MUSK: variants seen among roughly 807,000 people sequenced by gnomAD.
The protein encoded by MUSK is muscle, skeletal receptor tyrosine-protein kinase.
MUSK carries 55 observed loss-of-function variants against 88.7 expected under a neutral mutation model. The observed-to-expected ratio is 0.62, with a 90% CI of 0.50 to 0.78. MUSK has a LOEUF of 0.78. MUSK is among the 30% of genes least tolerant of loss of function. The probability of loss-of-function intolerance (pLI) is 0.00; values close to 1 mark genes in which losing one functional copy is unlikely to be tolerated. For synonymous variants in MUSK, 387 were observed against 391.9 expected (o/e 0.99, Z 0.15); for missense variants, 1,015 against 1,074.3 (o/e 0.94, Z 0.77).
chr9:110,704,869 T>C (rs1461578700), intron 5 of MUSK, among the ~76,000 whole-genome samples: 3 of 151,504 alleles, frequency 2.0e-5, no homozygotes, highest in Non-Finnish European at 1.5e-5. Context: ...CCTGAAATTC[T>C]AGCTACTCAG....
intron 3 of MUSK, among the ~76,000 whole-genome samples, chr9:110,690,560 GTA>G (rs377058077): frequency 6.9e-5 from 3 of 43,180 alleles, no homozygotes; most frequent in African/African-American, 1.2e-4. Context: ...TTAAATATAA[GTA>G]TATATATAAA....
intron 1 of MUSK, among the ~76,000 whole-genome samples, chr9:110,672,671 AT>A (rs1164359086): frequency 6.6e-6 from 1 of 152,192 alleles, no homozygotes; most frequent in Non-Finnish European, 1.5e-5. Flanking sequence ...TAAAAAAAAA[AT>A]ACTGCATTCA....
intron 6 of MUSK, among the ~76,000 whole-genome samples, chr9:110,743,505 G>T (rs1181786071): frequency 1.3e-5 from 2 of 152,108 alleles, no homozygotes; most frequent in East Asian, 3.8e-4. Flanking sequence ...ATTTTGGCAT[G>T]CAACTAAAAA....
intron 3 of MUSK, 87 bp downstream of exon 3, chr9:110,687,355 G>C: frequency 6.7e-7 from 1 of 1,489,782 alleles, no homozygotes; most frequent in Non-Finnish European, 9.2e-7. Flanking sequence ...TTTTTTTTGA[G>C]ACAGAGTCTC....
intron 6 of MUSK, among the ~76,000 whole-genome samples, chr9:110,745,069 G>A (rs2077156682): frequency 6.6e-6 from 1 of 152,204 alleles, no homozygotes; most frequent in Non-Finnish European, 1.5e-5. Flanking sequence ...CTGTGCGTGA[G>A]TCACAAACTG....
intron 14 of MUSK, among the ~76,000 whole-genome samples, chr9:110,798,137 C>T (rs1377827746): frequency 6.6e-6 from 1 of 152,040 alleles, no homozygotes; most frequent in Non-Finnish European, 1.5e-5. Flanking sequence ...CAAGTGATTC[C>T]ACTACTCTCA....
At chr9:110,680,642 T>G (rs1222062336) in intron 1 of MUSK, among the ~76,000 whole-genome samples, 1 of 151,916 alleles carries the variant, frequency 6.6e-6, no homozygotes, top group African/African-American at 2.4e-5. Context: ...CTCCTCGGCC[T>G]CCCAAAGTGC....
rs1243144980 is a variant in MUSK, at chr9:110,801,421, C to G, written c.*433C>G. The stretch of plus-strand genomic sequence containing the variant: ...AGTAGCTTAATCGTCATGTAAGACA[C>G]TTAGGTGAAGTACAGAAAACTAAAA... On this transcript the variant is annotated 3_prime_UTR_variant, in exon 15 of 15. Coordinates refer to ENST00000374448, the MANE Select transcript of MUSK (RefSeq NM_005592.4). 6.5e-6 allele frequency: 1 copy of G among 153,732 alleles called. No homozygotes were observed. Among genetic ancestry groups the G allele is most frequent in the East Asian group, 1.9e-4 (1 of 5,200 alleles). 9.5% of individuals were successfully genotyped at this position (153,732 alleles called of 1,614,324 possible).
chr9:110,742,709 CAAA>C (rs1484201879), intron 6 of MUSK, among the ~76,000 whole-genome samples: 1 of 152,074 alleles, frequency 6.6e-6, no homozygotes, highest in Non-Finnish European at 1.5e-5. Context: ...ATGTGACTCA[CAAA>C]AAGTGAAAGG....
At chr9:110,739,290 T>C (rs897756979) in intron 6 of MUSK, among the ~76,000 whole-genome samples, 12 of 152,174 alleles carry the variant, frequency 7.9e-5, no homozygotes, top group African/African-American at 2.7e-4. Context: ...TCAGTTTTCC[T>C]CTTCTAGTGA....
At position 110,675,633 on chromosome 9, in the gene MUSK, G is replaced by A. The variant is rs533117568; in HGVS notation, c.79+6650G>A. ...TGCCCAGGCTGGAGTGCAGCGGTGCGGTCTCGGCTCACTGCAATCTCCACC... is the reference window on the plus strand; with the variant it reads ...TGCCCAGGCTGGAGTGCAGCGGTGCAGTCTCGGCTCACTGCAATCTCCACC... On this transcript the variant is annotated intron_variant, in intron 1 of 14. Transcript: ENST00000374448. Among the ~76,000 whole-genome samples the A allele has an allele frequency of 4.9e-4, 68 of 137,582 alleles. No individual in the cohort carries two copies. The South Asian group carries it at 0.012, about 25-fold the overall frequency. The allele number at this position is 137,582 out of a possible 152,430, so 90.3% of individuals were successfully genotyped here.
intron 7 of MUSK, among the ~76,000 whole-genome samples, chr9:110,757,833 C>A (rs2077346720): frequency 1.3e-5 from 2 of 152,016 alleles, no homozygotes; most frequent in African/African-American, 4.8e-5. Context: ...ATGCATTAAC[C>A]AAATTAGCAT....
Position 110,806,084 on chromosome 9 carries a change from C to G in MUSK, c.*5096C>G, listed in dbSNP as rs1488228470. On this transcript the variant is annotated 3_prime_UTR_variant, in exon 15 of 15. Coordinates refer to ENST00000374448, the MANE Select transcript of MUSK (RefSeq NM_005592.4). ...CCCTTCTTCCTTTTCATCTCTAGTC[C>G]CAGCCTAAGTGCTAACCACTTCACC... Among the ~76,000 whole-genome samples the G allele has an allele frequency of 6.6e-6, 1 of 151,904 alleles. No homozygotes were observed. Among genetic ancestry groups the G allele is most frequent in the Non-Finnish European group, 1.5e-5 (1 of 67,924 alleles).
intron 1 of MUSK, among the ~76,000 whole-genome samples, chr9:110,678,936 T>G (rs1484224615): frequency 6.6e-6 from 1 of 152,090 alleles, no homozygotes; most frequent in Non-Finnish European, 1.5e-5. Flanking sequence ...TTCTTACAGA[T>G]TTTATTATGG....
chr9:110,680,573 A>G (rs1406358058), intron 1 of MUSK, among the ~76,000 whole-genome samples: 2 of 151,548 alleles, frequency 1.3e-5, no homozygotes, highest in Admixed American at 1.3e-4. Flanking sequence ...TTTAGTAGAG[A>G]CAGGGTTTCA....
At chr9:110,760,163 GAT>G (rs2077377438) in intron 7 of MUSK, among the ~76,000 whole-genome samples, 1 of 152,142 alleles carries the variant, frequency 6.6e-6, no homozygotes. Flanking sequence ...TAAGTCCTAA[GAT>G]AACAAAAACA....
intron 6 of MUSK, among the ~76,000 whole-genome samples, chr9:110,739,074 C>T (rs919673074): frequency 5.9e-5 from 9 of 152,086 alleles, no homozygotes; most frequent in African/African-American, 1.7e-4. Context: ...TTGTTCCTTC[C>T]ATTGGAGCTG....
At chr9:110,690,009 A>ATATTAAC (rs1444216101) in intron 3 of MUSK, among the ~76,000 whole-genome samples, 12 of 88,260 alleles carry the variant, frequency 1.4e-4, no homozygotes, top group African/African-American at 5.8e-4. Flanking sequence ...TATATATTAT[A>ATATTAAC]AATATATAAT....
intron 1 of MUSK, among the ~76,000 whole-genome samples, chr9:110,678,152 C>T (rs1159134758): frequency 2.0e-5 from 3 of 152,150 alleles, no homozygotes; most frequent in Non-Finnish European, 4.4e-5. Context: ...TTCTCTGTCA[C>T]CCAGGCTGGA....
Sources: gnomAD v4.1 joint callset for allele counts (sites outside exome capture counted in the v4.1 genomes callset) on GRCh38, gnomAD v4.1.1 for gene constraint, MANE v1.5 for transcripts, NCBI Gene and HGNC (gene_info 2026-07-23, HGNC 2026-07-21) for gene names.